The following ZMAT4 variants were observed in gnomAD, a reference collection of about 807,000 sequenced individuals.
ZMAT4 encodes the protein zinc finger matrin-type protein 4.
In ZMAT4, 17 loss-of-function variants were observed where a neutral mutation model predicts 28.7. That is an observed-to-expected ratio of 0.59 (90% CI 0.41 to 0.89). The LOEUF is 0.89. Among genes scored for constraint, ZMAT4 ranks in the 40% least tolerant of loss-of-function variants. ZMAT4 has a pLI of 0.00. For synonymous variants in ZMAT4, 117 were observed against 109.2 expected, an observed-to-expected ratio of 1.07 and a Z score of -0.44; for missense variants, 240 against 283.8, an observed-to-expected ratio of 0.85 and a Z score of 1.11.
At chr8:40,663,727 A>G (rs1233817210) in intron 5 of ZMAT4, among the ~76,000 whole-genome samples, 2 of 152,170 alleles carry the variant, frequency 1.3e-5, no homozygotes, top group African/African-American at 2.4e-5. Flanking sequence ...AAAAATAACC[A>G]GGTGTAATCT....
intron 5 of ZMAT4, among the ~76,000 whole-genome samples, chr8:40,616,482 A>C: frequency 6.6e-6 from 1 of 152,248 alleles, no homozygotes; most frequent in East Asian, 1.9e-4. Context: ...AATTGGAACC[A>C]ACCCAAATGC....
intron 1 of ZMAT4, among the ~76,000 whole-genome samples, chr8:40,876,685 C>T (rs1029755560): frequency 6.6e-6 from 1 of 152,202 alleles, no homozygotes; most frequent in South Asian, 2.1e-4. Flanking sequence ...GTATATAATA[C>T]ACAGAACATA....
intron 2 of ZMAT4, among the ~76,000 whole-genome samples, chr8:40,777,122 C>A (rs1426826885): frequency 2.0e-5 from 3 of 151,860 alleles, no homozygotes; most frequent in African/African-American, 7.3e-5. Context: ...ACAACTTTCA[C>A]AAAATAAATC....
At chr8:40,716,544 T>G (rs1006152184) in intron 3 of ZMAT4, among the ~76,000 whole-genome samples, 6 of 151,972 alleles carry the variant, frequency 3.9e-5, no homozygotes, top group Admixed American at 1.3e-4. Context: ...ATACAAAAAT[T>G]AGCTGGGTGT....
chr8:40,757,504 G>T (rs7357393), intron 3 of ZMAT4, among the ~76,000 whole-genome samples: 141,628 of 151,616 alleles, frequency 0.93, 66,760 homozygotes, highest in Non-Finnish European at 1. Context: ...GAGAATCACT[G>T]GAACCTGGAG....
chr8:40,549,171 C>A (rs1282883411), intron 6 of ZMAT4, among the ~76,000 whole-genome samples: 1 of 152,096 alleles, frequency 6.6e-6, no homozygotes, highest in Non-Finnish European at 1.5e-5. Context: ...TGGGCCCTCA[C>A]CAGACACTGA....
chr8:40,594,337 T>C (rs1290252686), intron 5 of ZMAT4, among the ~76,000 whole-genome samples: 1 of 152,178 alleles, frequency 6.6e-6, no homozygotes, highest in Non-Finnish European at 1.5e-5. Flanking sequence ...AGTGTTGATA[T>C]GTAGAAAACA....
In ZMAT4 at chr8:40,584,382, C is replaced by A. The variant is rs184633378; in HGVS notation, c.578-3121G>T. Among the ~76,000 whole-genome samples, 288 of 152,142 alleles carry A rather than the reference C, an allele frequency of 1.9e-3. 3 individuals carry two copies. Among genetic ancestry groups the A allele is most frequent in the African/African-American group, 6.5e-3 (271 of 41,482 alleles). On this transcript the variant is annotated intron_variant, in intron 5 of 6. Coordinates refer to ENST00000297737, the MANE Select transcript of ZMAT4 (RefSeq NM_024645.3). ...CTCTTTTCCCGTGTTAAGTGGACAG[C>A]GCCAAGCAGGACTGAGCTGGAGGAG...
chr8:40,588,607 A>G (rs1419520156), intron 5 of ZMAT4, among the ~76,000 whole-genome samples: 1 of 152,126 alleles, frequency 6.6e-6, no homozygotes, highest in Non-Finnish European at 1.5e-5. Flanking sequence ...TGCTAACATC[A>G]AATTAAAACA....
chr8:40,745,115 C>T (rs2150538792), intron 3 of ZMAT4, among the ~76,000 whole-genome samples: 1 of 152,294 alleles, frequency 6.6e-6, no homozygotes, highest in East Asian at 1.9e-4. Flanking sequence ...CAGTGGCAGG[C>T]AGGGCCGACT....
chr8:40,581,042 T>A (rs1804447573), intron 6 of ZMAT4, 123 bp downstream of exon 6: 1 of 727,390 alleles, frequency 1.4e-6, no homozygotes, highest in Non-Finnish European at 2.2e-6. Flanking sequence ...ATGTGAACTT[T>A]GAAGCAAAAG....
intron 3 of ZMAT4, among the ~76,000 whole-genome samples, chr8:40,739,406 C>G (rs1471652848): frequency 6.6e-6 from 1 of 152,136 alleles, no homozygotes; most frequent in Non-Finnish European, 1.5e-5. Flanking sequence ...TAACATATTT[C>G]TTTTGAAATC....
chr8:40,852,117 C>T (rs1260886780), intron 1 of ZMAT4, among the ~76,000 whole-genome samples: 2 of 152,068 alleles, frequency 1.3e-5, no homozygotes, highest in Non-Finnish European at 2.9e-5. Context: ...AACTCCTGAC[C>T]TCAAGTGATC....
intron 6 of ZMAT4, among the ~76,000 whole-genome samples, chr8:40,570,799 G>A (rs960036730): frequency 3.3e-5 from 5 of 152,168 alleles, no homozygotes; most frequent in African/African-American, 1.2e-4. Flanking sequence ...GGATTTGAGA[G>A]ACAGGGCTGA....
intron 5 of ZMAT4, among the ~76,000 whole-genome samples, chr8:40,589,357 C>T (rs776196910): frequency 4.0e-4 from 61 of 152,136 alleles, no homozygotes; most frequent in Non-Finnish European, 8.8e-5. Flanking sequence ...TGAATATTGC[C>T]TCCTATGACA....
At chr8:40,749,629 G>T (rs1030320542) in intron 3 of ZMAT4, among the ~76,000 whole-genome samples, 4 of 152,192 alleles carry the variant, frequency 2.6e-5, no homozygotes, top group African/African-American at 9.6e-5. Flanking sequence ...TTGAGGGGAA[G>T]AATTCCTTGA....
intron 6 of ZMAT4, among the ~76,000 whole-genome samples, chr8:40,550,041 C>A (rs1479512940): frequency 2.0e-5 from 3 of 152,164 alleles, no homozygotes; most frequent in African/African-American, 7.2e-5. Flanking sequence ...AGTATCAACT[C>A]AGGGTGACTG....
intron 1 of ZMAT4, among the ~76,000 whole-genome samples, chr8:40,879,691 G>A (rs544203377): frequency 5.3e-5 from 8 of 152,030 alleles, no homozygotes; most frequent in African/African-American, 1.4e-4. Context: ...TTTGAAAACC[G>A]CAAAAAAATA....
In ZMAT4 at chr8:40,711,373, C is replaced by T. The variant is rs572414793; in HGVS notation, c.193-13972G>A. Among the ~76,000 whole-genome samples, 7 of 152,258 alleles carry T rather than the reference C, an allele frequency of 4.6e-5. No individual in the cohort carries two copies. In the South Asian group the frequency reaches 1.5e-3, roughly 32 times the overall value. Reference sequence around the variant, plus strand: ...TCTAGGCATTGGGCATCAACAGCTGCTAACATCACAAAAAGAGAGACAATC... The same window carrying T: ...TCTAGGCATTGGGCATCAACAGCTGTTAACATCACAAAAAGAGAGACAATC... On this transcript the variant is annotated intron_variant, in intron 3 of 6. Transcript: ENST00000297737.
Sources: gnomAD v4.1 joint callset for allele counts (sites outside exome capture counted in the v4.1 genomes callset) on GRCh38, gnomAD v4.1.1 for gene constraint, MANE v1.5 for transcripts, NCBI Gene and HGNC (gene_info 2026-07-23, HGNC 2026-07-21) for gene names.